F11: variants seen among roughly 807,000 people sequenced by gnomAD.
The protein encoded by F11 is coagulation factor XI, also known as coagualtion factor XI.
Under a neutral mutation model 76.5 loss-of-function variants are expected in F11, and 78 were observed. That is an observed-to-expected ratio of 1.02 (90% CI 0.85 to 1.23). The LOEUF is 1.23. Ranked by LOEUF, F11 falls within the 50% of genes most tolerant of loss-of-function variation. The pLI is 0.00. For synonymous variants in F11, 278 were observed against 276.3 expected (o/e 1.01, Z -0.06); for missense variants, 742 against 771.4 (o/e 0.96, Z 0.45).
Position 186,280,132 on chromosome 4 carries a change from A to G in F11, c.865+11A>G. On this transcript the variant is annotated intron_variant, in intron 8 of 14. Coordinates refer to ENST00000403665, the MANE Select transcript of F11 (RefSeq NM_000128.4). Reference sequence around the variant, plus strand: ...GGCACAGCATCCCAGGTAAACTGAGAGTTCTGCATTCTGGCTGAGAGTGAC... The same window carrying G: ...GGCACAGCATCCCAGGTAAACTGAGGGTTCTGCATTCTGGCTGAGAGTGAC... The G allele has an allele frequency of 6.2e-7, 1 of 1,614,028 alleles. No homozygotes were observed. The highest frequency in any genetic ancestry group is 8.5e-7 in the Non-Finnish European group (1 of 1,179,916).
At chr4:186,272,987 G>T in intron 3 of F11, 84 bp from the exon 4 acceptor site, 4 of 845,084 alleles carry the variant, frequency 4.7e-6, no homozygotes, top group Admixed American at 4.3e-5. Flanking sequence ...CCTTCTTTTT[G>T]GCTTTCTGTG....
Position 186,271,749 on chromosome 4 carries a change from C to T in F11, c.196C>T (p.Pro66Ser), listed in dbSNP as rs144595035. The stretch of plus-strand genomic sequence containing the variant: ...ACTCTTCACTTTCACGGCGGAATCA[C>T]CATCTGAGGATCCCACCCGATGGTA... ...CLLFTFTAES[P>S]SEDPTRWFTC... Residue 66 changes from proline (P) to serine (S), a missense_variant, in exon 3 of 15, where the codon CCA becomes TCA. Transcript: ENST00000403665. The T allele has an allele frequency of 6.4e-5, 103 of 1,614,206 alleles. No homozygotes were observed. In the Middle Eastern group the frequency reaches 8.2e-4, roughly 13 times the overall value.
intron 7 of F11, among the ~76,000 whole-genome samples, chr4:186,278,602 A>G (rs1339973668): frequency 6.6e-6 from 1 of 152,206 alleles, no homozygotes; most frequent in Non-Finnish European, 1.5e-5. Flanking sequence ...AGTCAGTGAT[A>G]GCACCAAGAC....
chr4:186,271,585 C>T (rs771398102), intron 2 of F11, 24 bp from the exon 3 acceptor site: 31 of 1,613,774 alleles, frequency 1.9e-5, no homozygotes, highest in Middle Eastern at 1.6e-4. Flanking sequence ...TCCAACATAA[C>T]GCATGCCATG....
At chr4:186,274,350 A>G in intron 5 of F11, 75 bp downstream of exon 5, 1 of 1,580,948 alleles carries the variant, frequency 6.3e-7, no homozygotes, top group Non-Finnish European at 8.7e-7. Flanking sequence ...TTTGCCATCA[A>G]CTTTATGCCA....
intron 2 of F11, among the ~76,000 whole-genome samples, chr4:186,270,178 TTAAA>T (rs1161886314): frequency 2.0e-5 from 3 of 152,204 alleles, no homozygotes; most frequent in Non-Finnish European, 2.9e-5. Flanking sequence ...AGCCAATTAA[TTAAA>T]TGAGTAAGAA....
At chr4:186,284,012 T>C (rs2126772118) in intron 10 of F11, 80 bp from the exon 11 acceptor site, 2 of 1,609,574 alleles carry the variant, frequency 1.2e-6, no homozygotes, top group Non-Finnish European at 1.7e-6. Flanking sequence ...GGAAAGGTTT[T>C]CTTCTTGTTC....
At chr4:186,270,092 T>C (rs1739819757) in intron 2 of F11, among the ~76,000 whole-genome samples, 1 of 152,202 alleles carries the variant, frequency 6.6e-6, no homozygotes, top group Admixed American at 6.5e-5. Flanking sequence ...AGGAGGAACA[T>C]AAGCTCTCGT....
At chr4:186,274,822 T>C (rs1382584256) in intron 5 of F11, 2 of 176,504 alleles carry the variant, frequency 1.1e-5, no homozygotes, top group African/African-American at 4.8e-5. Context: ...GGGAAATAGA[T>C]TATTAATTTG....
intron 2 of F11, 87 bp downstream of exon 2, chr4:186,267,278 A>G: frequency 3.4e-6 from 3 of 880,540 alleles, no homozygotes; most frequent in Non-Finnish European, 5.9e-6. Flanking sequence ...CACACCATTT[A>G]TGCCGGGAAG....
chr4:186,285,392 G>T (rs1244031847), intron 11 of F11, among the ~76,000 whole-genome samples: 1 of 151,950 alleles, frequency 6.6e-6, no homozygotes, highest in Non-Finnish European at 1.5e-5. Context: ...GTGTGCGGGT[G>T]TGTGCGTGTG....
intron 2 of F11, among the ~76,000 whole-genome samples, chr4:186,271,307 G>A (rs553925232): frequency 6.6e-6 from 1 of 152,292 alleles, no homozygotes; most frequent in Admixed American, 6.5e-5. Context: ...CTAAAAAGCA[G>A]CAGCTTTTGC....
At chr4:186,276,904 A>G (rs1050319019) in intron 7 of F11, among the ~76,000 whole-genome samples, 6 of 152,124 alleles carry the variant, frequency 3.9e-5, no homozygotes, top group African/African-American at 1.4e-4. Flanking sequence ...ATTTTAAAAT[A>G]AATATAAATA....
At chr4:186,287,363 C>T (rs1179559298) in intron 13 of F11, among the ~76,000 whole-genome samples, 1 of 151,588 alleles carries the variant, frequency 6.6e-6, no homozygotes, top group African/African-American at 2.4e-5. Flanking sequence ...ATGGGTGGAT[C>T]ACTTGAGGTC....
chr4:186,274,628 A>C, intron 5 of F11: 1 of 310,722 alleles, frequency 3.2e-6, no homozygotes, highest in East Asian at 8.0e-5. Flanking sequence ...ATAAAAATAA[A>C]AACCTACTCT....
chr4:186,275,075 T>A, intron 5 of F11: 1 of 405,214 alleles, frequency 2.5e-6, no homozygotes, highest in Admixed American at 2.8e-5. Context: ...ATGATTTGAC[T>A]TGTAAGGCTT....
In F11 at chr4:186,287,711, C is replaced by T; in HGVS notation, c.1604C>T (p.Ala535Val). 6.2e-7 allele frequency: 1 copy of T among 1,612,922 alleles called. No homozygotes were observed. ...RDKIQNTLQK[A>V]KIPLVTNEEC... The stretch of plus-strand genomic sequence containing the variant: ...AAAATACAAAATACTCTCCAGAAAG[C>T]CAAGATACCCTTAGTGACCAACGAA... Residue 535 changes from alanine (A) to valine (V), a missense_variant, in exon 14 of 15, where the codon GCC (alanine) becomes GTC (valine). Ala to Val is a moderately conservative substitution (Grantham distance 64). Transcript: ENST00000403665.
intron 1 of F11, 114 bp from the exon 2 acceptor site, chr4:186,267,022 C>A: frequency 1.4e-6 from 1 of 734,704 alleles, no homozygotes; most frequent in Non-Finnish European, 2.5e-6. Context: ...ACTGTGAATG[C>A]TATTGAATTA....
chr4:186,275,696 C>A (rs1054402231), intron 5 of F11, 91 bp from the exon 6 acceptor site: 2 of 939,820 alleles, frequency 2.1e-6, no homozygotes, highest in African/African-American at 3.3e-5. Context: ...CTCGCAGGTC[C>A]TCTCTCCAAA....
Sources: gnomAD v4.1 joint callset for allele counts (sites outside exome capture counted in the v4.1 genomes callset) on GRCh38, gnomAD v4.1.1 for gene constraint, MANE v1.5 for transcripts, NCBI Gene and HGNC (gene_info 2026-07-23, HGNC 2026-07-21) for gene names.